Variants in DNAH10 observed in about 807,000 individuals in gnomAD.
The protein encoded by DNAH10 is dynein axonemal heavy chain 10.
DNAH10 carries 348 observed loss-of-function variants against 506.6 expected under a neutral mutation model. The observed-to-expected ratio is 0.69, with a 90% confidence interval of 0.63 to 0.75. The LOEUF is 0.75. Ranked by LOEUF, DNAH10 falls within the 30% of genes least tolerant of loss-of-function variation. DNAH10 has a pLI of 0.00. For synonymous variants in DNAH10, 2,059 were observed against 2,198.6 expected, an observed-to-expected ratio of 0.94 and a Z score of 1.78; for missense variants, 5,179 against 5,787.1, an observed-to-expected ratio of 0.89 and a Z score of 3.41.
intron 26 of DNAH10, among the ~76,000 whole-genome samples, chr12:123,832,248 A>T (rs1389964404): frequency 6.6e-6 from 1 of 152,202 alleles, no homozygotes; most frequent in East Asian, 1.9e-4. Context: ...AGTGTACCTA[A>T]TATATACATG....
intron 16 of DNAH10, among the ~76,000 whole-genome samples, chr12:123,802,884 G>A (rs1594064171): frequency 6.6e-6 from 1 of 151,996 alleles, no homozygotes; most frequent in African/African-American, 2.4e-5. Flanking sequence ...TCAGCAACAC[G>A]TCTTTTTATG....
rs889666509 is a variant in DNAH10, at chr12:123,928,200, G to A, written c.12106-187G>A. On this transcript the variant is annotated intron_variant, in intron 69 of 78. Coordinates refer to ENST00000673944, the MANE Select transcript of DNAH10 (RefSeq NM_001372106.1). This position sits in a 1 kb window ranked among gnomAD's most constrained non-coding sequence, Gnocchi z 4.9. Reference sequence around the variant, plus strand: ...GGTGTGACCAGCTCAGTGCACCCACGGGGCCCATGGGGTTTCTCAAAGATG... The same window carrying A: ...GGTGTGACCAGCTCAGTGCACCCACAGGGCCCATGGGGTTTCTCAAAGATG... 38 of 665,078 alleles carry A rather than the reference G, an allele frequency of 5.7e-5. No homozygotes were observed. The highest frequency in any genetic ancestry group is 7.6e-5 in the Non-Finnish European group (30 of 395,668). The allele number at this position is 665,078 out of a possible 1,614,324, so 41.2% of individuals were successfully genotyped here. A position where few individuals can be genotyped will look rare whatever the true frequency, so the allele number is the denominator to read the frequency against.
chr12:123,804,720 G>A lies in DNAH10; in HGVS notation c.2780-113G>A, dbSNP rs75019514. 6.6e-4 allele frequency: 624 copies of A among 949,616 alleles called. 5 individuals carry two copies. The East Asian group carries it at 0.014, about 22-fold the overall frequency. 58.8% of individuals were successfully genotyped at this position (949,616 alleles called of 1,614,324 possible). A position where few individuals can be genotyped will look rare whatever the true frequency, so the allele number is the denominator to read the frequency against. On this transcript the variant is annotated intron_variant, in intron 17 of 78. Coordinates refer to ENST00000673944, the MANE Select transcript of DNAH10 (RefSeq NM_001372106.1). ...GACTTATGTTCTGCTTTGGGCTGAG[G>A]TTGGAGGCTGGTTTTGGTTTTTTTA...
rs114137312 is a variant in DNAH10, at chr12:123,854,430, G to A, written c.6438+1078G>A. 4.9e-3 allele frequency among the ~76,000 whole-genome samples: 751 copies of A among 152,250 alleles called. 7 individuals are homozygous for A. The highest frequency in any genetic ancestry group is 0.017 in the African/African-American group (714 of 41,528). On this transcript the variant is annotated intron_variant, in intron 36 of 78. Coordinates refer to ENST00000673944, the MANE Select transcript of DNAH10 (RefSeq NM_001372106.1). Reference sequence around the variant, plus strand: ...TCTCTCCTCCTAGGGCGGTGAATATGGTCCCATCACTGCACTCACTACTGG... The same window carrying A: ...TCTCTCCTCCTAGGGCGGTGAATATAGTCCCATCACTGCACTCACTACTGG...
Position 123,785,614 on chromosome 12 carries a change from G to T in DNAH10, c.1231-132G>T. On this transcript the variant is annotated intron_variant, in intron 8 of 78. Transcript: ENST00000673944. The surrounding 1 kb of genome is among the most constrained non-coding windows in gnomAD (Gnocchi z 4.1). ...TGTTTGTGCCATTGCACTCCAGCCTGGGCACCAGACTTGGTCTCAAGGAAA... is the reference window on the plus strand; with the variant it reads ...TGTTTGTGCCATTGCACTCCAGCCTTGGCACCAGACTTGGTCTCAAGGAAA... The T allele has an allele frequency of 1.2e-6, 1 of 847,456 alleles. No individual in the cohort carries two copies. The highest frequency in any genetic ancestry group is 3.8e-4 in the Middle Eastern group (1 of 2,610). 52.5% of individuals were successfully genotyped at this position (847,456 alleles called of 1,614,324 possible).
At chr12:123,890,758 G>A (rs1255282780) in intron 52 of DNAH10, among the ~76,000 whole-genome samples, 1 of 152,144 alleles carries the variant, frequency 6.6e-6, no homozygotes, top group African/African-American at 2.4e-5. Flanking sequence ...GTGGATTCAC[G>A]AGGTATTCAG....
In DNAH10 at chr12:123,923,767, G is replaced by GT; in HGVS notation, c.11514dup (p.Glu3839Ter). 1 of 1,605,874 alleles carries GT rather than the reference G, an allele frequency of 6.2e-7. No individual in the cohort carries two copies. The highest frequency in any genetic ancestry group is 8.5e-7 in the Non-Finnish European group (1 of 1,177,688). ...TCATCTGATGTTTCCCTCCAGGGCT[G>GT]TTTGAGAGGCACAAGCTACTCTTTT... is the stretch of plus-strand genomic sequence containing the variant. On this transcript the variant is annotated frameshift_variant, in exon 66 of 79. Coordinates refer to ENST00000673944, the MANE Select transcript of DNAH10 (RefSeq NM_001372106.1). LOFTEE classifies it high-confidence loss of function.
In DNAH10 at chr12:123,929,425, AG is replaced by A; in HGVS notation, c.12459del (p.Lys4154SerfsTer25). The A allele has an allele frequency of 6.2e-7, 1 of 1,613,744 alleles. No individual in the cohort carries two copies. The highest frequency in any genetic ancestry group is 8.5e-7 in the Non-Finnish European group (1 of 1,179,826). ...CTTTCATGCTGTGGTGCAGGAGAGA[AG>A]GAAGTTTGGGAAGATTGGCTGGAAC... is the stretch of plus-strand genomic sequence containing the variant. ...AFFHAVVQERRKFGKIGWNVY... is the reference protein window; with the variant it reads ...AFFHAVVQERXKFGKIGWNVY... On this transcript the variant is annotated frameshift_variant, in exon 71 of 79. Transcript: ENST00000673944. LOFTEE classifies it high-confidence loss of function.
chr12:123,815,830 T>C (rs1337360178), intron 21 of DNAH10, among the ~76,000 whole-genome samples: 1 of 152,208 alleles, frequency 6.6e-6, no homozygotes, highest in Non-Finnish European at 1.5e-5. Flanking sequence ...AACCTATTGC[T>C]CCTAGGCTAC....
In DNAH10 at chr12:123,767,592, A is replaced by G. The variant is rs1439397944; in HGVS notation, c.215-14A>G. 4 of 1,607,874 alleles carry G rather than the reference A, an allele frequency of 2.5e-6. No individual in the cohort carries two copies. The highest frequency in any genetic ancestry group is 2.6e-6 in the Non-Finnish European group (3 of 1,176,188). On this transcript the variant is annotated splice_polypyrimidine_tract_variant and intron_variant, in intron 1 of 78. Coordinates refer to ENST00000673944, the MANE Select transcript of DNAH10 (RefSeq NM_001372106.1). ...TACGTTTAATATTTTCTTCCCATTT[A>G]TGTGGCCATAAAGATGAGATACCTG...
rs1481502933 is a variant in DNAH10, at chr12:123,762,850, A to C, written c.214+300A>C. On this transcript the variant is annotated intron_variant, in intron 1 of 78. Coordinates refer to ENST00000673944, the MANE Select transcript of DNAH10 (RefSeq NM_001372106.1). The surrounding 1 kb of genome is among the most constrained non-coding windows in gnomAD (Gnocchi z 5.0). ...TTCCAACGCTTGTATCAACTCCTTA[A>C]CCCTACGAGGCGGGTGTATCCTCAT... Among the ~76,000 whole-genome samples the C allele has an allele frequency of 6.6e-6, 1 of 151,832 alleles. No individual in the cohort carries two copies. Among genetic ancestry groups the C allele is most frequent in the Non-Finnish European group, 1.5e-5 (1 of 67,926 alleles).
At position 123,857,121 on chromosome 12, in the gene DNAH10, T is replaced by C; in HGVS notation, c.6504T>C (p.Pro2168=). The C allele has an allele frequency of 6.2e-7, 1 of 1,613,094 alleles. No individual in the cohort carries two copies. The highest frequency in any genetic ancestry group is 1.1e-5 in the South Asian group (1 of 90,824). Reference sequence around the variant, plus strand: ...CCAAATTTGTGTTTGAAGATGTTCCTCTTTTCCTTGGTTTGATTTCGGATC... The same window carrying C: ...CCAAATTTGTGTTTGAAGATGTTCCCCTTTTCCTTGGTTTGATTTCGGATC... ...NLPKFVFEDV[P]LFLGLISDLF... Residue 2168 remains proline (P), a synonymous_variant, in exon 37 of 79, where the codon CCT becomes CCC. Transcript: ENST00000673944.
At chr12:123,869,725 C>G (rs1436666764) in intron 43 of DNAH10, among the ~76,000 whole-genome samples, 1 of 152,206 alleles carries the variant, frequency 6.6e-6, no homozygotes, top group African/African-American at 2.4e-5. Flanking sequence ...TTCTCAGGCT[C>G]CTCGCTCCAT....
In DNAH10 at chr12:123,830,647, A is replaced by T. The variant is rs1485900360; in HGVS notation, c.4493A>T (p.Asp1498Val). The T allele has an allele frequency of 4.3e-6, 7 of 1,613,716 alleles. No individual in the cohort carries two copies. Among genetic ancestry groups the T allele is most frequent in the East Asian group, 4.5e-5 (2 of 44,880 alleles). Residue 1498 changes from aspartate to valine, a missense_variant, in exon 26 of 79, where the codon GAT becomes GTT. Asp to Val is a radical substitution (Grantham distance 152). Around this residue, in one of 3 missense-constraint regions of DNAH10, gnomAD observed 4,844 missense variants for 5,430.5 expected, o/e 0.89. Transcript: ENST00000673944. ...GCTATGGAACTGCACAAACACACAG[A>T]TGTTCTCAATGAGATTGTCACAGCA... Reference protein sequence around the residue: ...MFAMELHKHTDVLNEIVTAAI... With the variant: ...MFAMELHKHTVVLNEIVTAAI...
rs369248006 is a variant in DNAH10, at chr12:123,897,882, C to T, written c.9393C>T (p.Arg3131=). Residue 3131 remains arginine, a synonymous_variant, in exon 55 of 79, where the codon CGC becomes CGT. Coordinates refer to ENST00000673944, the MANE Select transcript of DNAH10 (RefSeq NM_001372106.1). ...AACAGTTTCTACAGAAATTGAGGCG[C>T]AGCAACTATGTCACTCCCAAGAACT... ...YSQQFLQKLR[R]SNYVTPKNYL... is the part of the protein sequence containing the mutation. 5 of 1,611,334 alleles carry T rather than the reference C, an allele frequency of 3.1e-6. No individual in the cohort carries two copies. In the African/African-American group the frequency reaches 4.0e-5, roughly 13 times the overall value.
chr12:123,837,066 T>C (rs574982894), intron 28 of DNAH10, among the ~76,000 whole-genome samples: 97 of 150,874 alleles, frequency 6.4e-4, no homozygotes, highest in South Asian at 5.7e-3. Context: ...TTAGCCAGGA[T>C]GGTCTCAATC....
intron 54 of DNAH10, 88 bp from the exon 55 acceptor site, chr12:123,897,682 G>C: frequency 7.1e-7 from 1 of 1,400,310 alleles, no homozygotes; most frequent in Non-Finnish European, 9.7e-7. Flanking sequence ...CCATGATCAC[G>C]CCACTGCACT....
chr12:123,929,397 G>A lies in DNAH10; in HGVS notation c.12429G>A (p.Ala4143=), dbSNP rs74937677. The A allele has an allele frequency of 2.8e-4, 445 of 1,613,586 alleles. 1 individual carries two copies. In the East Asian group the frequency reaches 9.0e-3, roughly 33 times the overall value. The change falls in exon 71 of 79, where the codon GCG becomes GCA. Residue 4143 remains alanine, a synonymous_variant. Transcript: ENST00000673944. ...TCAAGCCGCTGGTCTACGTGCTGGC[G>A]TTCTTTCATGCTGTGGTGCAGGAGA... The part of the protein sequence containing the change: ...PAFKPLVYVL[A]FFHAVVQERR...
intron 39 of DNAH10, among the ~76,000 whole-genome samples, chr12:123,862,439 A>G (rs1951649826): frequency 1.3e-5 from 2 of 151,302 alleles, no homozygotes; most frequent in South Asian, 4.2e-4. Context: ...TGCCCAGGCT[A>G]AGTTCAGTCA....
Sources: allele counts gnomAD v4.1 joint callset (sites outside exome capture counted in the v4.1 genomes callset), GRCh38; gene constraint gnomAD v4.1.1; regional missense constraint gnomAD v4.1.1; non-coding constraint Gnocchi (gnomAD v3.1); transcripts MANE v1.5; gene names NCBI Gene and HGNC (gene_info 2026-07-23, HGNC 2026-07-21).